Variants in DOCK2 observed in about 807,000 individuals in gnomAD.
DOCK2 encodes the protein dedicator of cytokinesis 2.
In DOCK2, 87 loss-of-function variants were observed where a neutral mutation model predicts 248.9. That is an observed-to-expected ratio of 0.35 (90% CI 0.29 to 0.42). DOCK2 has a LOEUF of 0.42. Among genes scored for constraint, DOCK2 ranks in the 10% least tolerant of loss-of-function variants. The pLI, the probability that DOCK2 is intolerant of heterozygous loss-of-function variation, is 1.00. For synonymous variants in DOCK2, 805 were observed against 821.6 expected (o/e 0.98, Z 0.35); for missense variants, 1,747 against 2,300.2 (o/e 0.76, Z 4.92).
rs34658795 is a variant in DOCK2, at chr5:170,065,953, G to GTTTTT, written c.4468-1545_4468-1541dup. Among the ~76,000 whole-genome samples, 306 of 133,382 alleles carry GTTTTT rather than the reference G, an allele frequency of 2.3e-3. 3 individuals carry two copies. Among genetic ancestry groups the GTTTTT allele is most frequent in the Middle Eastern group, 7.9e-3 (2 of 252 alleles). 87.5% of individuals were successfully genotyped at this position (133,382 alleles called of 152,430 possible). ...AATATATTCCATGCAAATGAAAACT[G>GTTTTT]TTTTTTTTTTTTTTTTGAGACAGAG... On this transcript the variant is annotated intron_variant, in intron 44 of 51. Coordinates refer to ENST00000520908, the MANE Select transcript of DOCK2 (RefSeq NM_004946.3).
At chr5:170,056,657 G>C in intron 42 of DOCK2, 27 bp from the exon 43 acceptor site, 1 of 1,608,532 alleles carries the variant, frequency 6.2e-7, no homozygotes, top group Non-Finnish European at 8.5e-7. Context: ...TGGCTACCAG[G>C]AGCCTCAGCC....
At chr5:169,696,111 A>G (rs1484612918) in intron 10 of DOCK2, among the ~76,000 whole-genome samples, 173 bp downstream of exon 10, 1 of 152,244 alleles carries the variant, frequency 6.6e-6, no homozygotes, top group Non-Finnish European at 1.5e-5. Flanking sequence ...ATAATTGGTG[A>G]CTAAGTCCAG....
At chr5:170,037,073 C>G (rs564372412) in intron 36 of DOCK2, among the ~76,000 whole-genome samples, 1 of 152,044 alleles carries the variant, frequency 6.6e-6, no homozygotes, top group Non-Finnish European at 1.5e-5. Flanking sequence ...TTCTCAGAAT[C>G]TCATATTTTT....
chr5:169,711,884 G>C (rs1026170134), intron 15 of DOCK2, 51 bp from the exon 16 acceptor site: 5 of 1,603,870 alleles, frequency 3.1e-6, no homozygotes, highest in Non-Finnish European at 4.3e-6. Flanking sequence ...GGGTGCAGTG[G>C]GGAGGGCCCT....
intron 1 of DOCK2, among the ~76,000 whole-genome samples, chr5:169,649,063 C>G (rs544789190): frequency 2.0e-5 from 3 of 152,264 alleles, no homozygotes; most frequent in Non-Finnish European, 2.9e-5. Flanking sequence ...ACACTGCTTA[C>G]GCATTTCGAT....
At chr5:170,040,474 C>T (rs925781683) in intron 36 of DOCK2, among the ~76,000 whole-genome samples, 4 of 152,130 alleles carry the variant, frequency 2.6e-5, no homozygotes, top group South Asian at 2.1e-4. Flanking sequence ...TCTCCAGCCC[C>T]GATCCACTTC....
At chr5:169,883,513 T>C (rs1185830602) in intron 27 of DOCK2, 2 of 1,551,646 alleles carry the variant, frequency 1.3e-6, no homozygotes, top group Non-Finnish European at 1.7e-6. Flanking sequence ...GATGGCACTT[T>C]GGGAGGCTGT....
At chr5:169,682,319 A>G (rs1334685666) in intron 7 of DOCK2, among the ~76,000 whole-genome samples, 4 of 152,254 alleles carry the variant, frequency 2.6e-5, no homozygotes, top group Non-Finnish European at 5.9e-5. Context: ...ATGTGAGGGC[A>G]CCAGGCCTGG....
chr5:170,052,385 T>C (rs1756949831), intron 41 of DOCK2, among the ~76,000 whole-genome samples: 1 of 152,176 alleles, frequency 6.6e-6, no homozygotes, highest in Admixed American at 6.5e-5. Context: ...TCTGTGGCCT[T>C]TTAACATGAG....
chr5:169,876,636 G>T (rs1772352454), intron 27 of DOCK2, among the ~76,000 whole-genome samples: 1 of 152,182 alleles, frequency 6.6e-6, no homozygotes, highest in Non-Finnish European at 1.5e-5. Context: ...AAAGTATGTG[G>T]CATTCCAGTT....
Position 169,875,122 on chromosome 5 carries a change from G to A in DOCK2, c.2799+34270G>A, listed in dbSNP as rs182815967. On this transcript the variant is annotated intron_variant, in intron 27 of 51. Coordinates refer to ENST00000520908, the MANE Select transcript of DOCK2 (RefSeq NM_004946.3). Reference sequence around the variant, plus strand: ...ACAAGCAAGTATTTTTTATTCATGGGCTGGTTGTCACAAAACTTTCTAGTA... The same window carrying A: ...ACAAGCAAGTATTTTTTATTCATGGACTGGTTGTCACAAAACTTTCTAGTA... 80 of 444,024 alleles carry A rather than the reference G, an allele frequency of 1.8e-4. 1 individual carries two copies. The Admixed American group carries it at 1.9e-3, about 11-fold the overall frequency. The allele number at this position is 444,024 out of a possible 1,614,324, so 27.5% of individuals were successfully genotyped here.
chr5:170,000,148 G>T (rs969232536), intron 30 of DOCK2: 1 of 152,166 alleles, frequency 6.6e-6, no homozygotes, highest in African/African-American at 2.4e-5. Flanking sequence ...ATTCTTATGG[G>T]CCCAGACTAT....
At chr5:169,730,704 G>A (rs1414195801) in intron 22 of DOCK2, among the ~76,000 whole-genome samples, 1 of 152,120 alleles carries the variant, frequency 6.6e-6, no homozygotes, top group Admixed American at 6.5e-5. Flanking sequence ...CCTCAAATCA[G>A]TGAACAATCC....
rs775418813 is a variant in DOCK2 at position 170,082,819 on chromosome 5, A to G, written c.5454A>G (p.Glu1818=). The G allele has an allele frequency of 1.5e-5, 25 of 1,614,086 alleles. 1 individual carries two copies. The South Asian group carries it at 2.7e-4, about 18-fold the overall frequency. The change falls in exon 52 of 52, where the codon GAA becomes GAG. Residue 1818 remains glutamate (E), a synonymous_variant. Transcript: ENST00000520908. ...KTMLASKSAE[E]GKQIPDSLST... ...AGCTGGCCAGCAAATCGGCTGAAGA[A>G]GGCAAACAGATCCCAGACTCGCTGT...
At chr5:169,688,493 A>AT (rs1760110645) in intron 8 of DOCK2, among the ~76,000 whole-genome samples, 1 of 152,008 alleles carries the variant, frequency 6.6e-6, no homozygotes. Context: ...TGGATTTCAG[A>AT]TTTTCTCTTG....
chr5:169,968,646 A>T (rs1777387475), intron 27 of DOCK2, among the ~76,000 whole-genome samples: 1 of 152,184 alleles, frequency 6.6e-6, no homozygotes, highest in Admixed American at 6.5e-5. Context: ...AACTGCAGAG[A>T]GACTGAGTCT....
chr5:169,886,003 A>G (rs1772949294), intron 27 of DOCK2, among the ~76,000 whole-genome samples: 1 of 151,948 alleles, frequency 6.6e-6, no homozygotes. Flanking sequence ...TGCATTCTTA[A>G]CTATGAAGTT....
chr5:169,954,434 CA>C, intron 27 of DOCK2, among the ~76,000 whole-genome samples: 1 of 151,962 alleles, frequency 6.6e-6, no homozygotes, highest in East Asian at 1.9e-4. Flanking sequence ...TTTGAAGCCC[CA>C]AAAAATGTGT....
At chr5:170,043,717 C>T (rs1756597659) in intron 38 of DOCK2, among the ~76,000 whole-genome samples, 1 of 152,214 alleles carries the variant, frequency 6.6e-6, no homozygotes, top group Non-Finnish European at 1.5e-5. Flanking sequence ...GAACCTCCTG[C>T]CCTGCTGGGT....
Sources: gnomAD v4.1 joint callset for allele counts (sites outside exome capture counted in the v4.1 genomes callset) on GRCh38, gnomAD v4.1.1 for gene constraint, MANE v1.5 for transcripts, NCBI Gene and HGNC (gene_info 2026-07-23, HGNC 2026-07-21) for gene names.